Variants in UBE2K observed in about 807,000 individuals in gnomAD.
The protein encoded by UBE2K is ubiquitin-conjugating enzyme E2 K.
Under a neutral mutation model 30.0 loss-of-function variants are expected in UBE2K, and 6 were observed. The ratio of observed to expected loss-of-function variants is 0.20; its 90% CI spans 0.11 to 0.39. UBE2K has a LOEUF of 0.39. Among genes scored for constraint, UBE2K ranks in the 10% least tolerant of loss-of-function variants. The probability of loss-of-function intolerance (pLI) is 1.00; values close to 1 mark genes in which losing one functional copy is unlikely to be tolerated. For missense variants in UBE2K, 61 were observed against 241.6 expected, an observed-to-expected ratio of 0.25 and a Z score of 4.96; for synonymous variants, 86 against 83.7, an observed-to-expected ratio of 1.03 and a Z score of -0.15.
At chr4:39,725,596 G>A (rs1270931165) in intron 1 of UBE2K, among the ~76,000 whole-genome samples, 2 of 152,050 alleles carry the variant, frequency 1.3e-5, no homozygotes, top group Non-Finnish European at 2.9e-5. Flanking sequence ...TTAACCTCTG[G>A]TGAAATCTTT....
rs548499634 is a variant in UBE2K, at chr4:39,732,456, A to G, written c.64-4964A>G. Among the ~76,000 whole-genome samples the G allele has an allele frequency of 2.6e-5, 4 of 152,194 alleles. No homozygotes were observed. In the South Asian group the frequency reaches 8.3e-4, roughly 32 times the overall value. The stretch of plus-strand genomic sequence containing the variant: ...AGTCATTATTTGAAAGAATTTTTAC[A>G]GTGATGATGGTAACAATGACAATAT... On this transcript the variant is annotated intron_variant, in intron 1 of 6. Coordinates refer to ENST00000261427, the MANE Select transcript of UBE2K (RefSeq NM_005339.5).
At chr4:39,723,969 C>T (rs1333076203) in intron 1 of UBE2K, among the ~76,000 whole-genome samples, 1 of 151,956 alleles carries the variant, frequency 6.6e-6, no homozygotes, top group Non-Finnish European at 1.5e-5. Context: ...CACACCACCA[C>T]ACCCATCTGG....
In UBE2K at chr4:39,758,608, G is replaced by A. The variant is rs564691151; in HGVS notation, c.299+2869G>A. Reference sequence around the variant, plus strand: ...CAGGAGAATCGCTTGAACCTGGGAGGCGGAAGTTGCAGTTAGCAGAGATCA... The same window carrying A: ...CAGGAGAATCGCTTGAACCTGGGAGACGGAAGTTGCAGTTAGCAGAGATCA... On this transcript the variant is annotated intron_variant, in intron 4 of 6. Transcript: ENST00000261427. 2.2e-4 allele frequency among the ~76,000 whole-genome samples: 33 copies of A among 152,180 alleles called. No homozygotes were observed. The East Asian group carries it at 6.0e-3, about 28-fold the overall frequency.
At chr4:39,748,976 A>G (rs748371542) in intron 3 of UBE2K, among the ~76,000 whole-genome samples, 3 of 152,174 alleles carry the variant, frequency 2.0e-5, no homozygotes, top group African/African-American at 2.4e-5. Flanking sequence ...AAGAATGGGG[A>G]ATATTTATGT....
At chr4:39,767,237 T>C (rs1712398911) in intron 4 of UBE2K, among the ~76,000 whole-genome samples, 1 of 152,084 alleles carries the variant, frequency 6.6e-6, no homozygotes, top group African/African-American at 2.4e-5. Context: ...AATTTTTATA[T>C]ATGGTATAAT....
intron 2 of UBE2K, among the ~76,000 whole-genome samples, chr4:39,738,198 TTAA>T (rs1379448593): frequency 1.3e-5 from 2 of 152,208 alleles, no homozygotes; most frequent in African/African-American, 4.8e-5. Context: ...GGCTCTTGCA[TTAA>T]TAACTATTCA....
In UBE2K at chr4:39,729,771, A is replaced by G. The variant is rs58054093; in HGVS notation, c.64-7649A>G. ...TCATTTCATCATTTTCATTCTTTGT[A>G]TTGTAGTCACATTGGCGGCATTTCA... On this transcript the variant is annotated intron_variant, in intron 1 of 6. Transcript: ENST00000261427. Among the ~76,000 whole-genome samples, 120 of 152,270 alleles carry G rather than the reference A, an allele frequency of 7.9e-4. 1 individual carries two copies. The highest frequency in any genetic ancestry group is 2.8e-3 in the African/African-American group (118 of 41,546).
chr4:39,747,730 C>T (rs959512365), intron 3 of UBE2K, among the ~76,000 whole-genome samples: 2 of 152,120 alleles, frequency 1.3e-5, no homozygotes, highest in Non-Finnish European at 2.9e-5. Context: ...CATTCTACTG[C>T]CTCAGCCTCC....
At chr4:39,735,779 A>G (rs1445565932) in intron 1 of UBE2K, among the ~76,000 whole-genome samples, 2 of 152,200 alleles carry the variant, frequency 1.3e-5, no homozygotes, top group African/African-American at 2.4e-5. Flanking sequence ...GTAGTTTCTT[A>G]TTGTACATAT....
At chr4:39,702,839 C>T (rs4314294) in intron 1 of UBE2K, among the ~76,000 whole-genome samples, 15,148 of 151,830 alleles carry the variant, frequency 0.1, 1,130 homozygotes, top group African/African-American at 0.19. Context: ...TTGAGTGGCT[C>T]TCCTGTGCAT....
At chr4:39,741,942 G>A (rs302947) in intron 2 of UBE2K, among the ~76,000 whole-genome samples, 125,497 of 152,086 alleles carry the variant, frequency 0.83, 52,301 homozygotes, top group African/African-American at 0.93. Context: ...GTTATCATAA[G>A]GATTCCTTAG....
intron 1 of UBE2K, among the ~76,000 whole-genome samples, chr4:39,706,098 G>A (rs1170619072): frequency 2.0e-5 from 3 of 152,120 alleles, no homozygotes; most frequent in African/African-American, 4.8e-5. Flanking sequence ...TGCAAGCTCC[G>A]CCTCTCAGGT....
At chr4:39,736,377 A>G (rs1403085535) in intron 1 of UBE2K, among the ~76,000 whole-genome samples, 1 of 152,122 alleles carries the variant, frequency 6.6e-6, no homozygotes, top group African/African-American at 2.4e-5. Context: ...CAGGAGAGTC[A>G]CTTGAACCCA....
chr4:39,772,478 G>C (rs1712955398), intron 4 of UBE2K, among the ~76,000 whole-genome samples: 1 of 151,668 alleles, frequency 6.6e-6, no homozygotes, highest in Non-Finnish European at 1.5e-5. Flanking sequence ...AGGAGGCTGA[G>C]GTATGAGAAT....
chr4:39,769,436 G>C (rs986205827), intron 4 of UBE2K, among the ~76,000 whole-genome samples: 1 of 111,526 alleles, frequency 9.0e-6, no homozygotes, highest in East Asian at 2.6e-4. Flanking sequence ...TTGCTATTGT[G>C]CCCCCACTTC....
chr4:39,704,540 C>G (rs1718220188), intron 1 of UBE2K, among the ~76,000 whole-genome samples: 2 of 151,864 alleles, frequency 1.3e-5, no homozygotes, highest in Non-Finnish European at 2.9e-5. Context: ...AGCTTCTTCC[C>G]TTTTTATTTA....
chr4:39,722,797 CTCT>C (rs1560349021), intron 1 of UBE2K, among the ~76,000 whole-genome samples: 5 of 133,464 alleles, frequency 3.7e-5, no homozygotes, highest in Admixed American at 7.6e-5. Context: ...CTCTTTTTCT[CTCT>C]TTTTTTTTTT....
chr4:39,727,548 A>G (rs1472866777), intron 1 of UBE2K, among the ~76,000 whole-genome samples: 2 of 150,912 alleles, frequency 1.3e-5, no homozygotes, highest in African/African-American at 4.9e-5. Context: ...TTTTGTAGAG[A>G]CAGGGTTTCA....
chr4:39,734,215 C>T lies in UBE2K; in HGVS notation c.64-3205C>T, dbSNP rs914128578. On this transcript the variant is annotated intron_variant, in intron 1 of 6. Coordinates refer to ENST00000261427, the MANE Select transcript of UBE2K (RefSeq NM_005339.5). Reference sequence around the variant, plus strand: ...CCACACCCTGGATTCAAACGATTCTCGTGCCTCAACCTCCCAAGTAGCGGG... The same window carrying T: ...CCACACCCTGGATTCAAACGATTCTTGTGCCTCAACCTCCCAAGTAGCGGG... 3.3e-5 allele frequency among the ~76,000 whole-genome samples: 5 copies of T among 151,042 alleles called. 1 individual carries two copies. The highest frequency in any genetic ancestry group is 2.6e-4 in the Admixed American group (4 of 15,118).
Sources: allele counts gnomAD v4.1 joint callset (sites outside exome capture counted in the v4.1 genomes callset), GRCh38; gene constraint gnomAD v4.1.1; transcripts MANE v1.5; gene names NCBI Gene and HGNC (gene_info 2026-07-23, HGNC 2026-07-21).